The following CDH13 variants were observed in gnomAD, a reference collection of about 807,000 sequenced individuals.
CDH13 encodes cadherin-13.
Under a neutral mutation model 63.8 loss-of-function variants are expected in CDH13, and 24 were observed. The ratio of observed to expected loss-of-function variants is 0.38; its 90% confidence interval spans 0.27 to 0.53. CDH13 has a LOEUF of 0.53. CDH13 is among the 20% of genes least tolerant of loss of function. The pLI is 0.85. For synonymous variants in CDH13, 503 were observed against 355.3 expected (o/e 1.42, Z -4.67); for missense variants, 1,049 against 903.1 (o/e 1.16, Z -2.07).
At chr16:83,245,117 G>GGA (rs1904860246) in intron 5 of CDH13, among the ~76,000 whole-genome samples, 1 of 104,924 alleles carries the variant, frequency 9.5e-6, no homozygotes, top group African/African-American at 5.1e-5. Context: ...TGGATAGTAT[G>GGA]CAAAAAAAAA....
chr16:83,236,591 A>C (rs1239606448), intron 5 of CDH13, among the ~76,000 whole-genome samples: 4 of 152,124 alleles, frequency 2.6e-5, no homozygotes, highest in Non-Finnish European at 5.9e-5. Context: ...ATTCTGGAAA[A>C]ACAGTTCTGG....
chr16:82,795,844 C>G (rs1597612013), intron 1 of CDH13, among the ~76,000 whole-genome samples: 1 of 152,124 alleles, frequency 6.6e-6, no homozygotes, highest in Non-Finnish European at 1.5e-5. Context: ...GAAAAGTGCC[C>G]TCAATCCCTG....
chr16:82,834,264 T>C (rs1254855585), intron 1 of CDH13, among the ~76,000 whole-genome samples: 3 of 152,138 alleles, frequency 2.0e-5, no homozygotes, highest in African/African-American at 7.2e-5. Context: ...GGGCCTGCAT[T>C]AGATGGCTGA....
At chr16:82,747,053 A>G (rs75405817) in intron 1 of CDH13, among the ~76,000 whole-genome samples, 48 of 152,346 alleles carry the variant, frequency 3.2e-4, no homozygotes, top group African/African-American at 7.2e-4. Context: ...TTCTAAGACA[A>G]TGTGATTGAT....
intron 3 of CDH13, among the ~76,000 whole-genome samples, chr16:83,101,261 GTATACA>G (rs939762963): frequency 6.0e-5 from 9 of 149,886 alleles, no homozygotes; most frequent in Admixed American, 1.3e-4. Context: ...ATATACTTAT[GTATACA>G]TATACATATA....
chr16:83,705,130 A>C (rs1906817986), intron 10 of CDH13, among the ~76,000 whole-genome samples: 2 of 152,292 alleles, frequency 1.3e-5, no homozygotes, highest in South Asian at 4.1e-4. Flanking sequence ...ATGGGAAAGG[A>C]ATTTAAGGTC....
intron 2 of CDH13, chr16:82,925,971 A>T (rs527917400): frequency 1.3e-5 from 2 of 152,188 alleles, no homozygotes; most frequent in African/African-American, 4.8e-5. Context: ...AGAGCTGCCA[A>T]CCAGAGCCTC....
chr16:82,641,466 A>G (rs980276549), intron 1 of CDH13, among the ~76,000 whole-genome samples: 1 of 152,250 alleles, frequency 6.6e-6, no homozygotes, highest in Non-Finnish European at 1.5e-5. Context: ...GGTAATTTTT[A>G]AAACCTTCTG....
chr16:82,975,479 G>A (rs1238340741), intron 2 of CDH13, among the ~76,000 whole-genome samples: 2 of 152,214 alleles, frequency 1.3e-5, no homozygotes, highest in African/African-American at 2.4e-5. Flanking sequence ...CCTTCTCCCT[G>A]TGACAGGGAT....
chr16:83,667,265 C>G (rs958184444), intron 8 of CDH13, among the ~76,000 whole-genome samples: 5 of 152,208 alleles, frequency 3.3e-5, no homozygotes, highest in African/African-American at 1.2e-4. Context: ...TGCCCACACA[C>G]TAAAAAGGTA....
intron 6 of CDH13, among the ~76,000 whole-genome samples, chr16:83,447,276 G>A (rs1468086070): frequency 2.6e-5 from 4 of 151,480 alleles, no homozygotes; most frequent in Non-Finnish European, 4.4e-5. Context: ...TTAGCCGGGC[G>A]TGGTGGTGGG....
chr16:83,140,370 A>G (rs2036479372), intron 4 of CDH13, among the ~76,000 whole-genome samples: 1 of 152,204 alleles, frequency 6.6e-6, no homozygotes, highest in Non-Finnish European at 1.5e-5. Flanking sequence ...TATGGCCAAC[A>G]CTGAGTTTCA....
At chr16:83,379,404 T>G (rs1597872113) in intron 6 of CDH13, among the ~76,000 whole-genome samples, 2 of 152,260 alleles carry the variant, frequency 1.3e-5, no homozygotes, top group South Asian at 4.1e-4. Context: ...GAGAGACGGA[T>G]GAGTGGATGG....
At chr16:82,798,393 C>G (rs188112248) in intron 1 of CDH13, among the ~76,000 whole-genome samples, 2 of 152,084 alleles carry the variant, frequency 1.3e-5, no homozygotes, top group Non-Finnish European at 2.9e-5. Flanking sequence ...TCTTTTTTCC[C>G]CTAGACTGTT....
At chr16:83,736,465 G>A (rs1911545561) in intron 10 of CDH13, among the ~76,000 whole-genome samples, 1 of 152,108 alleles carries the variant, frequency 6.6e-6, no homozygotes, top group African/African-American at 2.4e-5. Flanking sequence ...CTCTTTGTCT[G>A]TATTTCTCTG....
intron 7 of CDH13, among the ~76,000 whole-genome samples, chr16:83,583,172 A>C (rs1447500001): frequency 6.6e-6 from 1 of 152,110 alleles, no homozygotes; most frequent in African/African-American, 2.4e-5. Flanking sequence ...GTGTCTTCTC[A>C]TCTTCTGTCT....
intron 10 of CDH13, among the ~76,000 whole-genome samples, chr16:83,718,206 C>T (rs991638066): frequency 1.3e-5 from 2 of 152,206 alleles, no homozygotes; most frequent in African/African-American, 2.4e-5. Flanking sequence ...ATCCAGCCAC[C>T]ACTATGCGTA....
intron 1 of CDH13, among the ~76,000 whole-genome samples, chr16:82,627,973 AGC>A (rs1907548522): frequency 6.6e-6 from 1 of 152,322 alleles, no homozygotes; most frequent in East Asian, 1.9e-4. Context: ...TAACCCTCAG[AGC>A]GCCACGGCGC....
intron 7 of CDH13, among the ~76,000 whole-genome samples, chr16:83,585,530 G>A (rs982368250): frequency 1.2e-4 from 19 of 152,124 alleles, no homozygotes; most frequent in Non-Finnish European, 2.1e-4. Context: ...TGCAGTGCTC[G>A]TGACACATTC....
Sources: allele counts gnomAD v4.1 joint callset (sites outside exome capture counted in the v4.1 genomes callset), GRCh38; gene constraint gnomAD v4.1.1; transcripts MANE v1.5; gene names NCBI Gene and HGNC (gene_info 2026-07-23, HGNC 2026-07-21).